UNC13C: variants seen among roughly 807,000 people sequenced by gnomAD.
UNC13C encodes the protein unc-13 homolog C, also known as protein unc-13 homolog C.
UNC13C carries 174 observed loss-of-function variants against 245.4 expected under a neutral mutation model. That is an observed-to-expected ratio of 0.71 (90% CI 0.63 to 0.80). The LOEUF is 0.80. Ranked by LOEUF, UNC13C falls within the 30% of genes least tolerant of loss-of-function variation. The pLI, the probability that UNC13C is intolerant of heterozygous loss-of-function variation, is 0.00. For synonymous variants in UNC13C, 992 were observed against 895.1 expected, an observed-to-expected ratio of 1.11 and a Z score of -1.93; for missense variants, 2,829 against 2,602.9, an observed-to-expected ratio of 1.09 and a Z score of -1.89.
chr15:54,079,919 C>G (rs961164848), intron 2 of UNC13C, among the ~76,000 whole-genome samples: 2 of 151,452 alleles, frequency 1.3e-5, no homozygotes, highest in African/African-American at 4.8e-5. Context: ...CAACTTTTCC[C>G]CATTCAGTAT....
chr15:54,258,731 T>A (rs1040599548), intron 8 of UNC13C, among the ~76,000 whole-genome samples: 5 of 152,162 alleles, frequency 3.3e-5, no homozygotes, highest in African/African-American at 1.2e-4. Flanking sequence ...ACTATACTTA[T>A]TCCATTACTA....
rs753448582 is a variant in UNC13C at position 54,626,821 on chromosome 15, C to T, written c.6360-7C>T. The T allele has an allele frequency of 1.2e-6, 2 of 1,601,114 alleles. No homozygotes were observed. The highest frequency in any genetic ancestry group is 1.1e-5 in the South Asian group (1 of 89,966). ...TTGCTCAAAATTTGTATTTTTAATC[C>T]ACACAGCATTCTCGGAAAGGAAAAT... On this transcript the variant is annotated splice_region_variant and splice_polypyrimidine_tract_variant and intron_variant, in intron 32 of 32. Coordinates refer to ENST00000260323, the MANE Select transcript of UNC13C (RefSeq NM_001080534.3).
chr15:54,585,580 A>G (rs904511530), intron 30 of UNC13C, among the ~76,000 whole-genome samples: 3 of 152,168 alleles, frequency 2.0e-5, no homozygotes, highest in Non-Finnish European at 4.4e-5. Context: ...ATGCTTATAT[A>G]TTGCCTGTAT....
At chr15:54,300,120 A>C in intron 12 of UNC13C, 90 bp from the exon 13 acceptor site, 1 of 1,188,996 alleles carries the variant, frequency 8.4e-7, no homozygotes, top group Non-Finnish European at 1.2e-6. Context: ...AGGCAATGAC[A>C]GTGCAAGAGC....
At chr15:54,243,228 T>C (rs2035904971) in intron 7 of UNC13C, among the ~76,000 whole-genome samples, 1 of 139,402 alleles carries the variant, frequency 7.2e-6, no homozygotes. Flanking sequence ...AGTGAGAACA[T>C]ATGGGGCTTG....
At chr15:54,039,338 G>A (rs1896717737) in intron 2 of UNC13C, among the ~76,000 whole-genome samples, 1 of 152,104 alleles carries the variant, frequency 6.6e-6, no homozygotes, top group African/African-American at 2.4e-5. Context: ...CCTGATTTGA[G>A]TTGTCAAAAT....
At chr15:54,375,817 CAT>C (rs984551542) in intron 17 of UNC13C, among the ~76,000 whole-genome samples, 29 of 152,324 alleles carry the variant, frequency 1.9e-4, no homozygotes, top group African/African-American at 7.0e-4. Context: ...CCCCCTGAAA[CAT>C]AGAGCAGAAG....
chr15:54,412,002 A>G (rs1284780552), intron 18 of UNC13C, among the ~76,000 whole-genome samples: 2 of 152,118 alleles, frequency 1.3e-5, no homozygotes, highest in Non-Finnish European at 2.9e-5. Flanking sequence ...AATCTTGTAC[A>G]TATTATCTTA....
chr15:54,550,344 T>C (rs775181351), intron 28 of UNC13C, among the ~76,000 whole-genome samples: 26 of 151,864 alleles, frequency 1.7e-4, no homozygotes, highest in Middle Eastern at 3.4e-3. Flanking sequence ...TCTTGTAAAA[T>C]GCAAAAAAAG....
At chr15:54,097,064 T>A (rs535129326) in intron 2 of UNC13C, among the ~76,000 whole-genome samples, 13 of 152,316 alleles carry the variant, frequency 8.5e-5, no homozygotes, top group African/African-American at 2.9e-4. Flanking sequence ...GGATACAGCC[T>A]TTCCCTTCTC....
At chr15:54,333,895 T>C in intron 16 of UNC13C, 39 bp downstream of exon 16, 1 of 1,428,500 alleles carries the variant, frequency 7.0e-7, no homozygotes, top group Non-Finnish European at 9.7e-7. Flanking sequence ...TGTTGTGACA[T>C]AGAATACATT....
intron 13 of UNC13C, among the ~76,000 whole-genome samples, chr15:54,318,419 C>A (rs1382975911): frequency 5.3e-5 from 8 of 151,852 alleles, no homozygotes; most frequent in Non-Finnish European, 1.2e-4. Context: ...AATAGCCATT[C>A]TAATAGGAGT....
At chr15:53,865,267 C>T in the UNC13C span, among the ~76,000 whole-genome samples, 3 of 152,084 alleles carry the variant, frequency 2.0e-5, no homozygotes, top group South Asian at 2.1e-4. Flanking sequence ...ATTGAGTGAC[C>T]GCATTAGTCC....
chr15:54,574,221 A>G (rs1441928458), intron 30 of UNC13C, among the ~76,000 whole-genome samples: 1 of 152,146 alleles, frequency 6.6e-6, no homozygotes, highest in Non-Finnish European at 1.5e-5. Context: ...CATTAGCAGA[A>G]ATTTTAATAT....
chr15:54,045,288 A>G (rs1361794918), intron 2 of UNC13C, among the ~76,000 whole-genome samples: 1 of 152,206 alleles, frequency 6.6e-6, no homozygotes, highest in Admixed American at 6.5e-5. Context: ...CTAGTTGTCT[A>G]GCAACATTTG....
Position 54,062,667 on chromosome 15 carries a change from G to T in UNC13C, c.2983+46781G>T, listed in dbSNP as rs1897896489. Among the ~76,000 whole-genome samples, 2 of 152,162 alleles carry T rather than the reference G, an allele frequency of 1.3e-5. 1 individual carries two copies. The highest frequency in any genetic ancestry group is 4.1e-4 in the South Asian group (2 of 4,832). On this transcript the variant is annotated intron_variant, in intron 2 of 32. Transcript: ENST00000260323. ...TGTTGTCCTTAGACCAGCAGTATGA[G>T]CATCAACAAGGGAGCTTGATAGTCA... is the stretch of plus-strand genomic sequence containing the variant.
chr15:54,420,657 A>G (rs1440343432), intron 19 of UNC13C, among the ~76,000 whole-genome samples: 1 of 151,970 alleles, frequency 6.6e-6, no homozygotes. Flanking sequence ...ATGATTTTAA[A>G]CAAAAATAAT....
At chr15:54,490,242 T>C (rs962997849) in intron 19 of UNC13C, among the ~76,000 whole-genome samples, 2 of 152,216 alleles carry the variant, frequency 1.3e-5, no homozygotes, top group Non-Finnish European at 2.9e-5. Context: ...GAGTAGTCTC[T>C]AGATAAGAAT....
chr15:54,575,311 G>A (rs886705845), intron 30 of UNC13C, among the ~76,000 whole-genome samples: 1 of 152,268 alleles, frequency 6.6e-6, no homozygotes, highest in African/African-American at 2.4e-5. Context: ...AGGATGAAAA[G>A]TTTAAATACC....
Sources: gnomAD v4.1 joint callset for allele counts (sites outside exome capture counted in the v4.1 genomes callset) on GRCh38, gnomAD v4.1.1 for gene constraint, MANE v1.5 for transcripts, NCBI Gene and HGNC (gene_info 2026-07-23, HGNC 2026-07-21) for gene names.